The following RIN3 variants were observed in gnomAD, a reference collection of about 807,000 sequenced individuals.
RIN3 encodes Ras and Rab interactor 3.
RIN3 carries 54 observed loss-of-function variants against 76.3 expected under a neutral mutation model. The ratio of observed to expected loss-of-function variants is 0.71; its 90% CI spans 0.57 to 0.89. RIN3 has a LOEUF of 0.89. RIN3 is among the 40% of genes least tolerant of loss of function. The pLI, the probability that RIN3 is intolerant of heterozygous loss-of-function variation, is 0.00. For missense variants in RIN3, 1,256 were observed against 1,322.1 expected (o/e 0.95, Z 0.78); for synonymous variants, 576 against 564.0 (o/e 1.02, Z -0.30).
intron 2 of RIN3, among the ~76,000 whole-genome samples, chr14:92,567,765 C>G (rs541030309): frequency 1.4e-5 from 2 of 148,082 alleles, no homozygotes; most frequent in Non-Finnish European, 3.0e-5. Flanking sequence ...GGTGAATGCT[C>G]TTTGAGTCCT....
intron 3 of RIN3, among the ~76,000 whole-genome samples, chr14:92,612,367 C>A (rs1566867658): frequency 6.6e-6 from 1 of 152,222 alleles, no homozygotes; most frequent in Non-Finnish European, 1.5e-5. Flanking sequence ...TTGTACCAAT[C>A]TGCACTCACC....
chr14:92,686,781 G>A (rs1888872220), intron 9 of RIN3: 1 of 153,032 alleles, frequency 6.5e-6, no homozygotes, highest in South Asian at 2.1e-4. Context: ...CTTGGGGGGT[G>A]GGCACCCTTC....
intron 3 of RIN3, among the ~76,000 whole-genome samples, chr14:92,609,861 GTGTGTGTGTGTGTGTGTGTGTGTGTA>G (rs1885662515): frequency 9.7e-6 from 1 of 103,274 alleles, no homozygotes; most frequent in Admixed American, 1.3e-4. Context: ...GTGTGTGTGT[GTGTGTGTGTGTGTGTGTGTGTGTGTA>G]TGTATGTGTG....
chr14:92,665,724 T>A (rs1456458694), intron 7 of RIN3, among the ~76,000 whole-genome samples: 1 of 152,134 alleles, frequency 6.6e-6, no homozygotes, highest in Non-Finnish European at 1.5e-5. Flanking sequence ...GATACTGTTT[T>A]TTTTCCCCCA....
chr14:92,653,260 C>G (rs537299746), intron 6 of RIN3, among the ~76,000 whole-genome samples, 185 bp downstream of exon 6: 9 of 152,306 alleles, frequency 5.9e-5, no homozygotes, highest in South Asian at 2.1e-4. Flanking sequence ...CCGGCTCCCC[C>G]CCTTCCCTAG....
At chr14:92,592,431 C>T (rs1022798688) in intron 3 of RIN3, among the ~76,000 whole-genome samples, 1 of 150,386 alleles carries the variant, frequency 6.6e-6, no homozygotes, top group Admixed American at 6.6e-5. Context: ...ACAGTTGTTC[C>T]TTGGTGTCTG....
At chr14:92,577,306 C>A in intron 2 of RIN3, 54 bp from the exon 3 acceptor site, 2 of 1,300,930 alleles carry the variant, frequency 1.5e-6, no homozygotes, top group South Asian at 1.2e-5. Context: ...TTGTCCTCCT[C>A]ACCTTCACCC....
In RIN3 at chr14:92,652,678, G is replaced by A. The variant is rs1887507578; in HGVS notation, c.1629G>A (p.Met543Ile). 2.5e-6 allele frequency: 4 copies of A among 1,612,816 alleles called. No individual in the cohort carries two copies. The highest frequency in any genetic ancestry group is 1.7e-6 in the Non-Finnish European group (2 of 1,180,020). ...CAGACAGCTTGGGGGTGTCTGTCAT[G>A]GCCACCGACCAGGACTCCTACTCCA... ...SLSDSLGVSVMATDQDSYSTS... is the reference protein window; with the variant it reads ...SLSDSLGVSVIATDQDSYSTS... The change falls in exon 6 of 10, where the codon ATG becomes ATA. Residue 543 changes from methionine (M) to isoleucine (I), a missense_variant. This residue lies in a region of RIN3 where 428 missense variants were observed against 521.2 expected (regional missense o/e 0.82). Coordinates refer to ENST00000216487, the MANE Select transcript of RIN3 (RefSeq NM_024832.5). This position sits in a 1 kb window ranked among gnomAD's most constrained non-coding sequence, Gnocchi z 6.4.
At chr14:92,519,813 G>A (rs1306768723) in intron 1 of RIN3, among the ~76,000 whole-genome samples, 1 of 152,214 alleles carries the variant, frequency 6.6e-6, no homozygotes. Flanking sequence ...CCTTGATGGA[G>A]AAGAGAGGAG....
chr14:92,584,158 G>T (rs965534562), intron 3 of RIN3, among the ~76,000 whole-genome samples: 3 of 152,160 alleles, frequency 2.0e-5, no homozygotes, highest in Admixed American at 1.3e-4. Context: ...TTCTGAGGGG[G>T]TGGGGGGGTC....
Position 92,517,901 on chromosome 14 carries a change from A to C in RIN3, c.44+3925A>C, listed in dbSNP as rs1025994564. 2.0e-5 allele frequency among the ~76,000 whole-genome samples: 3 copies of C among 152,186 alleles called. No homozygotes were observed. In the South Asian group the frequency reaches 6.2e-4, roughly 32 times the overall value. On this transcript the variant is annotated intron_variant, in intron 1 of 9. Coordinates refer to ENST00000216487, the MANE Select transcript of RIN3 (RefSeq NM_024832.5). ...GTGGTGTGTCCCCCAACAGCTCCCT[A>C]ATTGCCCTCAGGTGACATGCTGTCC...
At chr14:92,613,949 A>G (rs1389051690) in intron 3 of RIN3, among the ~76,000 whole-genome samples, 1 of 152,164 alleles carries the variant, frequency 6.6e-6, no homozygotes, top group African/African-American at 2.4e-5. Context: ...GTTGTGGGGC[A>G]GGTGCCTGTG....
At chr14:92,603,146 G>T (rs896047939) in intron 3 of RIN3, among the ~76,000 whole-genome samples, 7 of 152,210 alleles carry the variant, frequency 4.6e-5, no homozygotes, top group African/African-American at 1.7e-4. Flanking sequence ...GAGAGCTGCG[G>T]ACTGGACAGG....
At chr14:92,644,348 C>T (rs913869477) in intron 5 of RIN3, 2 of 152,146 alleles carry the variant, frequency 1.3e-5, no homozygotes, top group Admixed American at 6.5e-5. Flanking sequence ...CCGGGAGACT[C>T]CCTACAGATT....
chr14:92,681,032 G>A lies in RIN3; in HGVS notation c.2468-3955G>A, dbSNP rs1177400718. Among the ~76,000 whole-genome samples the A allele has an allele frequency of 3.3e-5, 5 of 152,182 alleles. No individual in the cohort carries two copies. The highest frequency in any genetic ancestry group is 6.5e-5 in the Admixed American group (1 of 15,286). ...CAGGCAGCTGCTGGGCACCTTGCTG[G>A]AGCCAGCCCAGAATCTTAACCTCTG... On this transcript the variant is annotated intron_variant, in intron 8 of 9. Coordinates refer to ENST00000216487, the MANE Select transcript of RIN3 (RefSeq NM_024832.5). This position sits in a 1 kb window ranked among gnomAD's most constrained non-coding sequence, Gnocchi z 4.7.
intron 7 of RIN3, among the ~76,000 whole-genome samples, chr14:92,672,898 T>A (rs1363025013): frequency 6.6e-6 from 1 of 152,178 alleles, no homozygotes; most frequent in Non-Finnish European, 1.5e-5. Flanking sequence ...GGACGTTGCA[T>A]ATAGATGGAA....
chr14:92,577,851 C>G (rs1898304270), intron 3 of RIN3, among the ~76,000 whole-genome samples: 1 of 152,200 alleles, frequency 6.6e-6, no homozygotes, highest in Non-Finnish European at 1.5e-5. Context: ...GCAGACAAGT[C>G]ACTTAATCTT....
rs769936500 is a variant in RIN3 at position 92,641,329 on chromosome 14, G to A, written c.532G>A (p.Gly178Ser). Residue 178 changes from glycine (G) to serine (S), a missense_variant and splice_region_variant, in exon 5 of 10, where the codon GGT (glycine) becomes AGT (serine). Physicochemically the swap from Gly to Ser is moderately conservative, Grantham distance 56. Coordinates refer to ENST00000216487, the MANE Select transcript of RIN3 (RefSeq NM_024832.5). ...TGAGACCATCGCCAACCTGGGTCTGGGTGAGTCTTCTCCGAGGGGTTAGGG... is the reference window on the plus strand; with the variant it reads ...TGAGACCATCGCCAACCTGGGTCTGAGTGAGTCTTCTCCGAGGGGTTAGGG... ...DLETIANLGL[G>S]FWDSSLNPPQ... 9.3e-6 allele frequency: 15 copies of A among 1,612,658 alleles called. No homozygotes were observed. In the East Asian group the frequency reaches 3.1e-4, roughly 34 times the overall value.
intron 2 of RIN3, among the ~76,000 whole-genome samples, chr14:92,573,977 G>C (rs1898137949): frequency 1.3e-5 from 2 of 152,210 alleles, no homozygotes; most frequent in Admixed American, 6.5e-5. Flanking sequence ...AGGCCTGGCG[G>C]AGGCATCTAG....
Sources: allele counts gnomAD v4.1 joint callset (sites outside exome capture counted in the v4.1 genomes callset), GRCh38; gene constraint gnomAD v4.1.1; regional missense constraint gnomAD v4.1.1; non-coding constraint Gnocchi (gnomAD v3.1); transcripts MANE v1.5; gene names NCBI Gene and HGNC (gene_info 2026-07-23, HGNC 2026-07-21).